Variants in LAMA2 observed in about 807,000 individuals in gnomAD.
The protein encoded by LAMA2 is laminin subunit alpha-2.
Under a neutral mutation model 364.8 loss-of-function variants are expected in LAMA2, and 269 were observed. The ratio of observed to expected loss-of-function variants is 0.74; its 90% CI spans 0.67 to 0.82. LAMA2 has a LOEUF of 0.82. Ranked by LOEUF, LAMA2 falls within the 40% of genes least tolerant of loss-of-function variation. The pLI is 0.00. For missense variants in LAMA2, 3,807 were observed against 3,873.2 expected, an observed-to-expected ratio of 0.98 and a Z score of 0.45; for synonymous variants, 1,379 against 1,370.6, an observed-to-expected ratio of 1.01 and a Z score of -0.14.
At chr6:129,125,648 T>G (rs1777068792) in intron 4 of LAMA2, among the ~76,000 whole-genome samples, 1 of 152,208 alleles carries the variant, frequency 6.6e-6, no homozygotes, top group Admixed American at 6.5e-5. Flanking sequence ...TAATTCTATT[T>G]GCTTCCTAAG....
chr6:129,386,696 T>C (rs1779036903), intron 35 of LAMA2, among the ~76,000 whole-genome samples: 1 of 152,234 alleles, frequency 6.6e-6, no homozygotes, highest in African/African-American at 2.4e-5. Context: ...CTGGCAAGTT[T>C]TAATGGGCCA....
At chr6:129,287,518 G>T (rs998845343) in intron 18 of LAMA2, among the ~76,000 whole-genome samples, 1 of 152,156 alleles carries the variant, frequency 6.6e-6, no homozygotes, top group South Asian at 2.1e-4. Context: ...ATGATGTGTT[G>T]TACTACAAAG....
At chr6:129,488,452 A>G (rs1283769569) in intron 56 of LAMA2, among the ~76,000 whole-genome samples, 2 of 92,974 alleles carry the variant, frequency 2.2e-5, no homozygotes, top group Admixed American at 2.3e-4. Flanking sequence ...AATGCATTAC[A>G]CTATTGTACC....
intron 4 of LAMA2, among the ~76,000 whole-genome samples, chr6:129,107,541 A>G (rs775355445): frequency 6.6e-6 from 1 of 152,174 alleles, no homozygotes; most frequent in Non-Finnish European, 1.5e-5. Context: ...CAGAAGGAAT[A>G]GGTGAGGGTC....
chr6:129,319,959 C>T (rs1774850552), intron 27 of LAMA2, among the ~76,000 whole-genome samples: 1 of 152,006 alleles, frequency 6.6e-6, no homozygotes, highest in Admixed American at 6.6e-5. Context: ...ATGATGAAAC[C>T]CAGTTTCTAC....
intron 35 of LAMA2, among the ~76,000 whole-genome samples, chr6:129,385,004 T>G (rs1778900090): frequency 8.1e-6 from 1 of 123,336 alleles, no homozygotes; most frequent in African/African-American, 3.2e-5. Context: ...TTCATTGAGA[T>G]GTAATACAAA....
chr6:129,498,947 C>T (rs929422422), intron 58 of LAMA2, among the ~76,000 whole-genome samples: 1 of 152,150 alleles, frequency 6.6e-6, no homozygotes, highest in African/African-American at 2.4e-5. Context: ...GGGGTGAAAA[C>T]GTTTTGGCCC....
chr6:129,316,134 A>G lies in LAMA2; in HGVS notation c.4021A>G (p.Ile1341Val). 5 of 1,609,092 alleles carry G rather than the reference A, an allele frequency of 3.1e-6. No homozygotes were observed. Among genetic ancestry groups the G allele is most frequent in the Non-Finnish European group, 4.3e-6 (5 of 1,176,000 alleles). Residue 1341 changes from isoleucine to valine, a missense_variant, in exon 27 of 65, where the codon ATC (isoleucine) becomes GTC (valine). Transcript: ENST00000421865. ...ACTATATGATATTCATTACATTCTT[A>G]TCAAAGCTACTTATGGAAATTTCAT... is the stretch of plus-strand genomic sequence containing the variant. ...DILYDIHYIL[I>V]KATYGNFMRQ...
At chr6:128,917,302 T>C (rs1459056283) in intron 1 of LAMA2, among the ~76,000 whole-genome samples, 1 of 152,142 alleles carries the variant, frequency 6.6e-6, no homozygotes, top group African/African-American at 2.4e-5. Context: ...GTTGAGTACC[T>C]TGAAGATTTG....
intron 1 of LAMA2, among the ~76,000 whole-genome samples, chr6:129,007,800 T>C (rs1784527824): frequency 6.6e-6 from 1 of 152,202 alleles, no homozygotes; most frequent in Middle Eastern, 3.2e-3. Flanking sequence ...TAAATTGCCT[T>C]TCTGAAATAC....
chr6:129,393,438 A>C (rs1779434645), intron 37 of LAMA2, among the ~76,000 whole-genome samples, 183 bp downstream of exon 37: 1 of 152,184 alleles, frequency 6.6e-6, no homozygotes, highest in African/African-American at 2.4e-5. Flanking sequence ...TTTGTTTTTA[A>C]TGACCAGTTA....
At chr6:129,281,456 C>G (rs948024429) in intron 18 of LAMA2, among the ~76,000 whole-genome samples, 1 of 152,102 alleles carries the variant, frequency 6.6e-6, no homozygotes, top group Non-Finnish European at 1.5e-5. Context: ...GTACTATACT[C>G]CCTATACATG....
chr6:129,287,529 G>A (rs749016500), intron 18 of LAMA2, among the ~76,000 whole-genome samples: 9 of 152,120 alleles, frequency 5.9e-5, no homozygotes, highest in Non-Finnish European at 1.2e-4. Flanking sequence ...TACTACAAAG[G>A]CTTTCCAACA....
chr6:129,115,758 A>G (rs942251264), intron 4 of LAMA2, among the ~76,000 whole-genome samples: 1 of 152,056 alleles, frequency 6.6e-6, no homozygotes, highest in Non-Finnish European at 1.5e-5. Flanking sequence ...TAGCTGTGTA[A>G]TCTTAGGTAA....
In LAMA2 at chr6:129,152,660, A is replaced by G. The variant is rs1044731347; in HGVS notation, c.1028-1845A>G. 6.6e-5 allele frequency among the ~76,000 whole-genome samples: 10 copies of G among 152,314 alleles called. No individual in the cohort carries two copies. In the South Asian group the frequency reaches 1.2e-3, roughly 19 times the overall value. ...ATGCTAGGACTCGAGTTTTTGCCTC[A>G]AAGTCACTCAACTGGCAAATAGGAA... On this transcript the variant is annotated intron_variant, in intron 7 of 64. Transcript: ENST00000421865.
intron 1 of LAMA2, among the ~76,000 whole-genome samples, chr6:129,033,197 G>A (rs1786360294): frequency 6.6e-6 from 1 of 150,980 alleles, no homozygotes; most frequent in Non-Finnish European, 1.5e-5. Context: ...TAAGCCCTGA[G>A]GAACGATAAT....
rs1274985699 is a variant in LAMA2, at chr6:129,039,517, T to TA, written c.113-10395dup. ...GTGACAGGCAACTCACAAAAGTCTT[T>TA]AAAAAAGAAAGTGAGTTTTAGGGAA... On this transcript the variant is annotated intron_variant, in intron 1 of 64. Transcript: ENST00000421865. 2.0e-5 allele frequency among the ~76,000 whole-genome samples: 3 copies of TA among 152,258 alleles called. No homozygotes were observed. In the East Asian group the frequency reaches 5.8e-4, roughly 29 times the overall value.
intron 1 of LAMA2, among the ~76,000 whole-genome samples, chr6:128,976,067 G>A (rs954200447): frequency 6.6e-5 from 10 of 152,220 alleles, no homozygotes; most frequent in East Asian, 3.9e-4. Context: ...AGGATGTGAA[G>A]TAATTAAAGG....
intron 9 of LAMA2, among the ~76,000 whole-genome samples, chr6:129,169,178 G>A (rs1779967937): frequency 6.7e-6 from 1 of 149,816 alleles, no homozygotes; most frequent in Non-Finnish European, 1.5e-5. Context: ...AATTGCCCTG[G>A]CCAGAACTTC....
Sources: gnomAD v4.1 joint callset for allele counts (sites outside exome capture counted in the v4.1 genomes callset) on GRCh38, gnomAD v4.1.1 for gene constraint, MANE v1.5 for transcripts, NCBI Gene and HGNC (gene_info 2026-07-23, HGNC 2026-07-21) for gene names.